NELL1: variants seen among roughly 807,000 people sequenced by gnomAD.
NELL1 encodes neural EGFL like 1.
In NELL1, 76 loss-of-function variants were observed where a neutral mutation model predicts 107.4. The ratio of observed to expected loss-of-function variants is 0.71; its 90% CI spans 0.59 to 0.86. The LOEUF (loss-of-function observed/expected upper bound fraction) is 0.86, where lower values mean the gene tolerates loss of function less well. Ranked by LOEUF, NELL1 falls within the 40% of genes least tolerant of loss-of-function variation. The probability of loss-of-function intolerance (pLI) is 0.00; values close to 1 mark genes in which losing one functional copy is unlikely to be tolerated. For missense variants in NELL1, 1,024 were observed against 1,005.5 expected, an observed-to-expected ratio of 1.02 and a Z score of -0.25; for synonymous variants, 353 against 341.2, an observed-to-expected ratio of 1.03 and a Z score of -0.38.
intron 3 of NELL1, among the ~76,000 whole-genome samples, chr11:20,836,427 A>G (rs1247174559): frequency 6.6e-6 from 1 of 152,178 alleles, no homozygotes; most frequent in African/African-American, 2.4e-5. Context: ...TTATCACAAA[A>G]TCAAGGAATT....
At chr11:21,127,820 A>G (rs1311141689) in intron 13 of NELL1, among the ~76,000 whole-genome samples, 4 of 152,230 alleles carry the variant, frequency 2.6e-5, no homozygotes, top group African/African-American at 9.6e-5. Context: ...TGCCCAAATT[A>G]TAAGATTATT....
At chr11:21,388,095 G>A in intron 15 of NELL1, among the ~76,000 whole-genome samples, 1 of 148,628 alleles carries the variant, frequency 6.7e-6, no homozygotes, top group East Asian at 2.0e-4. Flanking sequence ...TTTTTTTTCT[G>A]GTATGCCATA....
chr11:20,852,321 A>C (rs764347598), intron 4 of NELL1, among the ~76,000 whole-genome samples: 9 of 152,202 alleles, frequency 5.9e-5, no homozygotes, highest in Non-Finnish European at 1.2e-4. Context: ...GAGCACATCC[A>C]ATTTTTGCAT....
intron 12 of NELL1, among the ~76,000 whole-genome samples, chr11:21,099,685 T>A (rs1444795487): frequency 6.6e-6 from 1 of 152,198 alleles, no homozygotes; most frequent in Non-Finnish European, 1.5e-5. Context: ...GTTCCTCAGA[T>A]GTGGAAACCC....
intron 14 of NELL1, among the ~76,000 whole-genome samples, chr11:21,248,839 A>G (rs1432058652): frequency 6.6e-6 from 1 of 152,168 alleles, no homozygotes; most frequent in Non-Finnish European, 1.5e-5. Flanking sequence ...ACACAAGCCA[A>G]TCAAAGTAGG....
At chr11:20,786,973 A>C in intron 3 of NELL1, among the ~76,000 whole-genome samples, 1 of 125,722 alleles carries the variant, frequency 8.0e-6, no homozygotes, top group Admixed American at 1.1e-4. Flanking sequence ...GCGCCACTGC[A>C]CTCCAGCCTA....
intron 14 of NELL1, among the ~76,000 whole-genome samples, chr11:21,315,139 G>C (rs1849848903): frequency 6.6e-6 from 1 of 152,188 alleles, no homozygotes; most frequent in Non-Finnish European, 1.5e-5. Context: ...TTACAGGCAT[G>C]AGCCACCATG....
chr11:20,740,661 T>C lies in NELL1; in HGVS notation c.185-43019T>C, dbSNP rs529176058. ...TTTAGCCTTAAATAACTTTTCTTAA[T>C]GTTGTCATGATGATGACAGGAATAT... On this transcript the variant is annotated intron_variant, in intron 2 of 19. Coordinates refer to ENST00000357134, the MANE Select transcript of NELL1 (RefSeq NM_006157.5). Among the ~76,000 whole-genome samples, 19 of 152,364 alleles carry C rather than the reference T, an allele frequency of 1.2e-4. No individual in the cohort carries two copies. The South Asian group carries it at 1.7e-3, about 13-fold the overall frequency.
chr11:21,453,411 T>C (rs1344836645), intron 15 of NELL1, among the ~76,000 whole-genome samples: 1 of 152,184 alleles, frequency 6.6e-6, no homozygotes, highest in Non-Finnish European at 1.5e-5. Flanking sequence ...AAAGTTACTC[T>C]AGCCTTACTT....
chr11:21,028,433 C>T (rs914979670), intron 12 of NELL1, among the ~76,000 whole-genome samples: 3 of 152,132 alleles, frequency 2.0e-5, no homozygotes, highest in African/African-American at 7.2e-5. Context: ...GGCTTTAAAT[C>T]AGTGACTCCA....
chr11:20,679,987 C>T (rs1161226721), intron 2 of NELL1, among the ~76,000 whole-genome samples: 1 of 152,138 alleles, frequency 6.6e-6, no homozygotes, highest in East Asian at 1.9e-4. Context: ...TTTTGGCAAC[C>T]ATCTCTGTGT....
chr11:20,945,204 G>A (rs541024504), intron 10 of NELL1, among the ~76,000 whole-genome samples: 40 of 152,318 alleles, frequency 2.6e-4, no homozygotes, highest in African/African-American at 9.1e-4. Context: ...GTGAGGGTGT[G>A]GGGGATGCCA....
intron 12 of NELL1, among the ~76,000 whole-genome samples, chr11:21,068,010 G>A (rs574829995): frequency 9.2e-6 from 1 of 108,140 alleles, no homozygotes; most frequent in African/African-American, 3.7e-5. Flanking sequence ...TCCAGCCTGG[G>A]CAACAGAGTG....
intron 7 of NELL1, among the ~76,000 whole-genome samples, chr11:20,925,487 T>C (rs1392095148): frequency 6.7e-6 from 1 of 148,846 alleles, no homozygotes; most frequent in Non-Finnish European, 1.5e-5. Flanking sequence ...GGTTTCGCCA[T>C]GTTGGCTGGG....
At chr11:20,847,859 A>G (rs1418349399) in intron 4 of NELL1, 106 bp downstream of exon 4, 7 of 1,196,054 alleles carry the variant, frequency 5.9e-6, no homozygotes, top group Non-Finnish European at 8.1e-6. Context: ...AACAAACACC[A>G]AGGGACCCTA....
chr11:20,683,901 T>G (rs1006669455), intron 2 of NELL1, among the ~76,000 whole-genome samples: 2 of 152,006 alleles, frequency 1.3e-5, no homozygotes, highest in Admixed American at 1.3e-4. Context: ...ATCACTGATT[T>G]TGAGCTATTT....
At chr11:21,208,523 G>A (rs1258127010) in intron 13 of NELL1, among the ~76,000 whole-genome samples, 1 of 151,754 alleles carries the variant, frequency 6.6e-6, no homozygotes. Context: ...TATTGCTACT[G>A]TAGAGTTACT....
At chr11:20,671,396 C>T (rs1001311761) in intron 1 of NELL1, 2 of 152,266 alleles carry the variant, frequency 1.3e-5, no homozygotes, top group African/African-American at 4.8e-5. Flanking sequence ...AGGGGGCAAC[C>T]CGTTAGTGAG....
At chr11:21,279,289 C>T (rs553918086) in intron 14 of NELL1, among the ~76,000 whole-genome samples, 4 of 151,976 alleles carry the variant, frequency 2.6e-5, no homozygotes, top group Admixed American at 2.6e-4. Context: ...AAATTTGTAA[C>T]GTTTGTTCTA....
Sources: gnomAD v4.1 joint callset for allele counts (sites outside exome capture counted in the v4.1 genomes callset) on GRCh38, gnomAD v4.1.1 for gene constraint, MANE v1.5 for transcripts, NCBI Gene and HGNC (gene_info 2026-07-23, HGNC 2026-07-21) for gene names.